Variants in KIAA1328 observed in about 807,000 individuals in gnomAD.
The protein encoded by KIAA1328 is protein hinderin.
Under a neutral mutation model 68.1 loss-of-function variants are expected in KIAA1328, and 52 were observed. That is an observed-to-expected ratio of 0.76 (90% CI 0.61 to 0.96). KIAA1328 has a LOEUF of 0.96. KIAA1328 is among the 40% of genes least tolerant of loss of function. The pLI, the probability that KIAA1328 is intolerant of heterozygous loss-of-function variation, is 0.00. For synonymous variants in KIAA1328, 232 were observed against 239.4 expected (o/e 0.97, Z 0.28); for missense variants, 641 against 677.6 (o/e 0.95, Z 0.60).
chr18:37,167,019 ACT>A (rs1271841964), intron 8 of KIAA1328, among the ~76,000 whole-genome samples: 3 of 152,168 alleles, frequency 2.0e-5, no homozygotes, highest in African/African-American at 7.2e-5. Flanking sequence ...TTCTTCTCAG[ACT>A]CTTCCAAAAA....
At chr18:36,864,349 T>C (rs1036123541) in intron 4 of KIAA1328, among the ~76,000 whole-genome samples, 1 of 151,122 alleles carries the variant, frequency 6.6e-6, no homozygotes, top group Non-Finnish European at 1.5e-5. Flanking sequence ...TCGCACAGGC[T>C]GGAGTGCAGT....
chr18:37,180,071 CACACA>C (rs2059669967), intron 9 of KIAA1328, among the ~76,000 whole-genome samples: 1 of 131,834 alleles, frequency 7.6e-6, no homozygotes, highest in Non-Finnish European at 1.5e-5. Flanking sequence ...CACACACACA[CACACA>C]CACACACACA....
intron 9 of KIAA1328, among the ~76,000 whole-genome samples, chr18:37,196,451 T>C (rs1245198827): frequency 1.3e-5 from 2 of 152,144 alleles, no homozygotes; most frequent in African/African-American, 4.8e-5. Context: ...TTTATTAGTT[T>C]GAGGTATGTT....
chr18:36,966,694 G>A (rs2051952313), intron 6 of KIAA1328, among the ~76,000 whole-genome samples: 1 of 152,124 alleles, frequency 6.6e-6, no homozygotes, highest in African/African-American at 2.4e-5. Flanking sequence ...GATTACCAAT[G>A]AACAATTAAA....
intron 7 of KIAA1328, among the ~76,000 whole-genome samples, chr18:37,122,390 A>T (rs1393848122): frequency 6.6e-6 from 1 of 152,060 alleles, no homozygotes; most frequent in East Asian, 1.9e-4. Context: ...AGGGGAGAAG[A>T]AGCAGGGAGT....
At chr18:36,950,676 A>G (rs2151225447) in intron 5 of KIAA1328, among the ~76,000 whole-genome samples, 1 of 152,340 alleles carries the variant, frequency 6.6e-6, no homozygotes, top group Non-Finnish European at 1.5e-5. Flanking sequence ...CGTTATGCCT[A>G]GAATGATATG....
intron 9 of KIAA1328, among the ~76,000 whole-genome samples, chr18:37,214,140 G>C (rs1463178609): frequency 3.9e-5 from 6 of 152,154 alleles, no homozygotes; most frequent in Non-Finnish European, 7.3e-5. Flanking sequence ...CTGTGCAGAA[G>C]CTCTTCAGTT....
In KIAA1328 at chr18:37,223,499, C is replaced by T; in HGVS notation, c.*1272C>T. The T allele has an allele frequency of 1.0e-6, 1 of 985,330 alleles. No individual in the cohort carries two copies. The highest frequency in any genetic ancestry group is 1.2e-6 in the Non-Finnish European group (1 of 829,930). The allele number at this position is 985,330 out of a possible 1,614,324, so 61.0% of individuals were successfully genotyped here. A position where few individuals can be genotyped will look rare whatever the true frequency, so the allele number is the denominator to read the frequency against. On this transcript the variant is annotated 3_prime_UTR_variant, in exon 10 of 10. Coordinates refer to ENST00000280020, the MANE Select transcript of KIAA1328 (RefSeq NM_020776.3). ...TTCAAAACTCTCCAGTCATTGAAAGCAAGGGGAGGGTGTGTTCCCAGATGT... is the reference window on the plus strand; with the variant it reads ...TTCAAAACTCTCCAGTCATTGAAAGTAAGGGGAGGGTGTGTTCCCAGATGT...
chr18:37,230,584 C>A (rs923292369), downstream of KIAA1328: 1 of 152,146 alleles, frequency 6.6e-6, no homozygotes, highest in Non-Finnish European at 1.5e-5. Flanking sequence ...TGGTTCCTGG[C>A]ACGTTATAGG....
intron 5 of KIAA1328, among the ~76,000 whole-genome samples, chr18:36,930,109 A>T (rs998822901): frequency 6.6e-6 from 1 of 152,094 alleles, no homozygotes; most frequent in Non-Finnish European, 1.5e-5. Context: ...GAGACAGTAC[A>T]TACTTCTCTT....
chr18:37,116,987 T>C (rs935153558), intron 7 of KIAA1328, among the ~76,000 whole-genome samples: 8 of 152,064 alleles, frequency 5.3e-5, no homozygotes, highest in East Asian at 3.9e-4. Context: ...GTTAGAATGG[T>C]GATCATTAAA....
chr18:37,106,901 G>T (rs1017320471), intron 7 of KIAA1328, among the ~76,000 whole-genome samples: 2 of 152,070 alleles, frequency 1.3e-5, no homozygotes, highest in South Asian at 4.1e-4. Context: ...TTCTCCTCAA[G>T]ATTTTCCTGC....
At chr18:37,134,717 T>G (rs2058603855) in intron 7 of KIAA1328, among the ~76,000 whole-genome samples, 1 of 152,360 alleles carries the variant, frequency 6.6e-6, no homozygotes, top group Admixed American at 6.5e-5. Flanking sequence ...ATTTCAACTT[T>G]TATTTTAGAT....
At chr18:37,185,675 G>T (rs1335771006) in intron 9 of KIAA1328, among the ~76,000 whole-genome samples, 2 of 151,700 alleles carry the variant, frequency 1.3e-5, no homozygotes, top group African/African-American at 4.8e-5. Flanking sequence ...TGTATACACT[G>T]TTGATATATT....
intron 5 of KIAA1328, among the ~76,000 whole-genome samples, chr18:36,908,242 T>C (rs2049294464): frequency 6.6e-6 from 1 of 152,212 alleles, no homozygotes; most frequent in Non-Finnish European, 1.5e-5. Flanking sequence ...CTTTGTGTCC[T>C]GTAGTTGACT....
At chr18:36,962,466 C>T (rs1479053817) in intron 6 of KIAA1328, among the ~76,000 whole-genome samples, 4 of 152,100 alleles carry the variant, frequency 2.6e-5, no homozygotes, top group Admixed American at 2.0e-4. Flanking sequence ...CTGCACCAGG[C>T]GGACCTAATA....
intron 5 of KIAA1328, among the ~76,000 whole-genome samples, chr18:36,953,141 C>G (rs1458383019): frequency 6.6e-6 from 1 of 150,740 alleles, no homozygotes; most frequent in Non-Finnish European, 1.5e-5. Flanking sequence ...GCTTTGCCCC[C>G]TCTCGTGTGT....
intron 6 of KIAA1328, among the ~76,000 whole-genome samples, chr18:37,000,243 A>G (rs759324482): frequency 9.2e-5 from 14 of 152,184 alleles, no homozygotes; most frequent in Non-Finnish European, 1.8e-4. Context: ...TAAGTCAAAA[A>G]TAGTAATAAA....
chr18:37,211,282 C>T (rs192822116), intron 9 of KIAA1328, among the ~76,000 whole-genome samples: 5 of 152,318 alleles, frequency 3.3e-5, no homozygotes, highest in African/African-American at 1.2e-4. Context: ...TGCTCTGTGA[C>T]TCCATTTAGT....
Sources: allele counts gnomAD v4.1 joint callset (sites outside exome capture counted in the v4.1 genomes callset), GRCh38; gene constraint gnomAD v4.1.1; transcripts MANE v1.5; gene names NCBI Gene and HGNC (gene_info 2026-07-23, HGNC 2026-07-21).